The following USP49 variants were observed in gnomAD, a reference collection of about 807,000 sequenced individuals.
USP49 encodes the protein ubiquitin carboxyl-terminal hydrolase 49.
USP49 carries 24 observed loss-of-function variants against 58.6 expected under a neutral mutation model. The observed-to-expected ratio is 0.41, with a 90% CI of 0.30 to 0.58. The LOEUF is 0.58. Among genes scored for constraint, USP49 ranks in the 20% least tolerant of loss-of-function variants. The pLI is 0.30. For missense variants in USP49, 703 were observed against 866.1 expected, an observed-to-expected ratio of 0.81 and a Z score of 2.36; for synonymous variants, 408 against 365.1, an observed-to-expected ratio of 1.12 and a Z score of -1.34.
rs758804276 is a variant in USP49 at position 41,803,505 on chromosome 6, T to C, written c.1561+301A>G. ...TTTTAGTAGAGACAGGGTTTCACCA[T>C]GTTGGTCAGGCTGGTCTCAAACTCC... On this transcript the variant is annotated intron_variant, in intron 5 of 7. Coordinates refer to ENST00000682992, the MANE Select transcript of USP49 (RefSeq NM_001286554.2). The surrounding 1 kb of genome is among the most constrained non-coding windows in gnomAD (Gnocchi z 4.1). Among the ~76,000 whole-genome samples, 1 of 152,196 alleles carries C rather than the reference T, an allele frequency of 6.6e-6. No homozygotes were observed. The highest frequency in any genetic ancestry group is 2.4e-5 in the African/African-American group (1 of 41,448).
intron 3 of USP49, among the ~76,000 whole-genome samples, chr6:41,863,043 T>C (rs965264313): frequency 6.6e-6 from 1 of 152,058 alleles, no homozygotes; most frequent in African/African-American, 2.4e-5. Flanking sequence ...TCCCAAAATG[T>C]TGGGATTACA....
chr6:41,854,059 G>C (rs531235994), intron 3 of USP49, among the ~76,000 whole-genome samples: 3 of 146,690 alleles, frequency 2.0e-5, no homozygotes, highest in Non-Finnish European at 4.5e-5. Context: ...GCTCATGCCC[G>C]TAATCCCAGC....
At chr6:41,858,684 G>T (rs541561624) in intron 3 of USP49, among the ~76,000 whole-genome samples, 1 of 151,774 alleles carries the variant, frequency 6.6e-6, no homozygotes, top group South Asian at 2.1e-4. Flanking sequence ...TCTTCCCTCA[G>T]ATATCTACAT....
intron 3 of USP49, among the ~76,000 whole-genome samples, chr6:41,812,101 C>T (rs561067012): frequency 6.6e-5 from 10 of 150,878 alleles, no homozygotes; most frequent in Non-Finnish European, 7.4e-5. Context: ...TTTTTTCAGA[C>T]GGAGTTTCGC....
At chr6:41,819,132 T>C (rs556607305) in intron 3 of USP49, among the ~76,000 whole-genome samples, 206 of 152,228 alleles carry the variant, frequency 1.4e-3, no homozygotes, top group African/African-American at 4.6e-3. Flanking sequence ...CGGGTTCGGA[T>C]AAATAAACCC....
intron 3 of USP49, among the ~76,000 whole-genome samples, chr6:41,836,507 G>A (rs56311009): frequency 0.14 from 21,659 of 152,012 alleles, 1,614 homozygotes; most frequent in East Asian, 0.25. Flanking sequence ...GCGTAGTACT[G>A]GAATTCCTAA....
intron 6 of USP49, 122 bp downstream of exon 6, chr6:41,799,708 C>A: frequency 1.3e-6 from 1 of 795,748 alleles, no homozygotes; most frequent in Admixed American, 2.4e-5. Context: ...ATGGAAAACA[C>A]GAGGTCTCAA....
At chr6:41,862,850 T>C (rs1173452870) in intron 3 of USP49, among the ~76,000 whole-genome samples, 1 of 151,448 alleles carries the variant, frequency 6.6e-6, no homozygotes, top group African/African-American at 2.4e-5. Flanking sequence ...CTCGGCTCAC[T>C]GCAACCTCCA....
At chr6:41,807,124 T>C in intron 3 of USP49, 113 bp from the exon 4 acceptor site, 1 of 1,135,370 alleles carries the variant, frequency 8.8e-7, no homozygotes, top group Non-Finnish European at 1.1e-6. Context: ...ATTTCAACTC[T>C]AGATTCATTC....
At position 41,799,855 on chromosome 6, in the gene USP49, G is replaced by A. The variant is rs1561901678; in HGVS notation, c.1645C>T (p.Leu549Phe). 6.2e-7 allele frequency: 1 copy of A among 1,614,102 alleles called. No individual in the cohort carries two copies. The highest frequency in any genetic ancestry group is 8.5e-7 in the Non-Finnish European group (1 of 1,179,978). ...CTGAATCTTTTAAGGTGCAGCCGGA[G>A]AACCTGAGGTAGTCTGTAGATCATT... is the stretch of plus-strand genomic sequence containing the variant. ...QLMIYRLPQVLRLHLKRFRWS... is the reference protein window; with the variant it reads ...QLMIYRLPQVFRLHLKRFRWS... The change falls in exon 6 of 8, where the codon CTC becomes TTC. Residue 549 changes from leucine to phenylalanine, a missense_variant. By Grantham distance (22) the Leu-to-Phe change is conservative (BLOSUM62 0). Transcript: ENST00000682992.
intron 3 of USP49, among the ~76,000 whole-genome samples, chr6:41,831,075 G>A (rs550362488): frequency 1.3e-5 from 2 of 152,186 alleles, no homozygotes; most frequent in African/African-American, 4.8e-5. Flanking sequence ...TGGCTAACAT[G>A]GTGAAACCCC....
At chr6:41,872,632 C>T (rs1231105311) in intron 2 of USP49, among the ~76,000 whole-genome samples, 1 of 151,706 alleles carries the variant, frequency 6.6e-6, no homozygotes, top group East Asian at 1.9e-4. Context: ...GGCACGGTGG[C>T]TCACATCTGT....
rs965292111 is a variant in USP49, at chr6:41,830,193, T to C, written c.-28-23182A>G. 3.3e-5 allele frequency among the ~76,000 whole-genome samples: 5 copies of C among 152,248 alleles called. No homozygotes were observed. In the East Asian group the frequency reaches 5.8e-4, roughly 18 times the overall value. On this transcript the variant is annotated intron_variant, in intron 3 of 7. Transcript: ENST00000682992. ...ATTATACTAACCTCAAAACCTGAGA[T>C]AGCAGCTTTCCCACTTTATCTCTTC...
At chr6:41,848,040 G>A (rs569350888) in intron 3 of USP49, among the ~76,000 whole-genome samples, 53 of 152,044 alleles carry the variant, frequency 3.5e-4, no homozygotes, top group Non-Finnish European at 6.8e-4. Context: ...AAAGAAAATC[G>A]ATTCATCACA....
chr6:41,890,901 TA>T (rs1353647047), intron 2 of USP49, among the ~76,000 whole-genome samples: 1 of 152,190 alleles, frequency 6.6e-6, no homozygotes, highest in Non-Finnish European at 1.5e-5. Context: ...GTTTTCTAGC[TA>T]AAAAGGTGGA....
chr6:41,811,166 C>T (rs1035842848), intron 3 of USP49, among the ~76,000 whole-genome samples: 1 of 152,120 alleles, frequency 6.6e-6, no homozygotes, highest in Non-Finnish European at 1.5e-5. Context: ...CAAAGGGAAG[C>T]GACCTAGACT....
chr6:41,832,130 T>G (rs1253170247), intron 3 of USP49, among the ~76,000 whole-genome samples: 6 of 152,068 alleles, frequency 3.9e-5, no homozygotes, highest in Non-Finnish European at 8.8e-5. Flanking sequence ...TTTTTTACCA[T>G]TCACCCCCTG....
intron 3 of USP49, among the ~76,000 whole-genome samples, chr6:41,816,030 C>T (rs1773343761): frequency 6.6e-6 from 1 of 152,226 alleles, no homozygotes; most frequent in East Asian, 1.9e-4. Flanking sequence ...AGGGAAATGA[C>T]AAAGGCAGAA....
intron 3 of USP49, among the ~76,000 whole-genome samples, chr6:41,811,229 C>A (rs779331405): frequency 1.3e-5 from 2 of 152,160 alleles, no homozygotes; most frequent in Non-Finnish European, 2.9e-5. Context: ...CCCTTTACAT[C>A]ATTTTTCTGG....
Sources: allele counts gnomAD v4.1 joint callset (sites outside exome capture counted in the v4.1 genomes callset), GRCh38; gene constraint gnomAD v4.1.1; non-coding constraint Gnocchi (gnomAD v3.1); transcripts MANE v1.5; gene names NCBI Gene and HGNC (gene_info 2026-07-23, HGNC 2026-07-21).